LPP: variants seen among roughly 807,000 people sequenced by gnomAD.
The protein encoded by LPP is lipoma-preferred partner.
Under a neutral mutation model 60.4 loss-of-function variants are expected in LPP, and 38 were observed. The ratio of observed to expected loss-of-function variants is 0.63; its 90% confidence interval spans 0.49 to 0.83. The LOEUF (loss-of-function observed/expected upper bound fraction) is 0.83, where lower values mean the gene tolerates loss of function less well. Ranked by LOEUF, LPP falls within the 40% of genes least tolerant of loss-of-function variation. LPP has a pLI of 0.00. For missense variants in LPP, 902 were observed against 783.6 expected, an observed-to-expected ratio of 1.15 and a Z score of -1.80; for synonymous variants, 328 against 290.8, an observed-to-expected ratio of 1.13 and a Z score of -1.30.
At chr3:188,704,794 A>G (rs1391072912) in intron 7 of LPP, among the ~76,000 whole-genome samples, 1 of 152,052 alleles carries the variant, frequency 6.6e-6, no homozygotes, top group African/African-American at 2.4e-5. Flanking sequence ...TTGTCAAAAG[A>G]CAGTTTAACA....
intron 1 of LPP, among the ~76,000 whole-genome samples, chr3:188,188,673 T>G (rs1015211166): frequency 5.3e-5 from 8 of 152,116 alleles, no homozygotes; most frequent in African/African-American, 1.9e-4. Flanking sequence ...AGGAAGGGTT[T>G]GAGGAATGGC....
intron 3 of LPP, among the ~76,000 whole-genome samples, chr3:188,389,952 A>C (rs1779314402): frequency 6.6e-6 from 1 of 152,108 alleles, no homozygotes; most frequent in African/African-American, 2.4e-5. Flanking sequence ...CAGGTGAGCA[A>C]ACCTGGAGTT....
intron 2 of LPP, among the ~76,000 whole-genome samples, chr3:188,269,298 G>T (rs1224542987): frequency 2.0e-5 from 3 of 152,058 alleles, no homozygotes; most frequent in Non-Finnish European, 4.4e-5. Context: ...GTGCCATTGG[G>T]CAAGTTGTTT....
rs546204915 is a variant in LPP, at chr3:188,456,152, C to T, written c.194-28440C>T. ...TTTGCTTTCGCCTCCCCAACCACTG[C>T]GATTACAGGCGTGAGCCAATGGGCC... On this transcript the variant is annotated intron_variant, in intron 4 of 11. Transcript: ENST00000617246. 3.9e-5 allele frequency among the ~76,000 whole-genome samples: 6 copies of T among 152,284 alleles called. No homozygotes were observed. The South Asian group carries it at 8.3e-4, about 21-fold the overall frequency.
Position 188,593,955 on chromosome 3 carries a change from T to C in LPP, c.430-15206T>C, listed in dbSNP as rs1839481172. On this transcript the variant is annotated intron_variant, in intron 6 of 11. Coordinates refer to ENST00000617246, the MANE Select transcript of LPP (RefSeq NM_001375462.1). ...AATGACTTCTTTTCCTCTGGGTAGA[T>C]ACCCAGTAGTGGGATTGCTGGATCA... is the stretch of plus-strand genomic sequence containing the variant. Among the ~76,000 whole-genome samples, 8 of 152,204 alleles carry C rather than the reference T, an allele frequency of 5.3e-5. No individual in the cohort carries two copies. In the South Asian group the frequency reaches 1.7e-3, roughly 31 times the overall value.
At chr3:188,760,582 T>C (rs949191743) in intron 9 of LPP, among the ~76,000 whole-genome samples, 12 of 152,222 alleles carry the variant, frequency 7.9e-5, no homozygotes, top group Non-Finnish European at 1.0e-4. Context: ...CTAGCATGTA[T>C]GTACAAGCTA....
intron 9 of LPP, among the ~76,000 whole-genome samples, chr3:188,762,403 CTG>C (rs1442236264): frequency 2.0e-5 from 3 of 152,138 alleles, no homozygotes; most frequent in Non-Finnish European, 4.4e-5. Context: ...GTTTCTGAAA[CTG>C]TTTAATATTT....
intron 1 of LPP, among the ~76,000 whole-genome samples, chr3:188,221,461 C>T (rs1715754003): frequency 6.6e-6 from 1 of 152,210 alleles, no homozygotes; most frequent in Non-Finnish European, 1.5e-5. Context: ...TTATCCAAGA[C>T]AGAAGGTGTT....
intron 3 of LPP, among the ~76,000 whole-genome samples, chr3:188,361,282 T>A (rs1253053839): frequency 2.6e-5 from 4 of 152,328 alleles, no homozygotes; most frequent in African/African-American, 9.6e-5. Context: ...AAAAGAGTCA[T>A]GAAATAGTAG....
intron 9 of LPP, among the ~76,000 whole-genome samples, chr3:188,821,529 A>G (rs1404584902): frequency 6.6e-6 from 1 of 151,998 alleles, no homozygotes; most frequent in Non-Finnish European, 1.5e-5. Context: ...CACTCTTAAC[A>G]CCTAAAAATA....
rs1767323819 is a variant in LPP, at chr3:188,355,448, C to T, written c.-10+13729C>T. 2.6e-5 allele frequency among the ~76,000 whole-genome samples: 4 copies of T among 152,278 alleles called. No homozygotes were observed. In the South Asian group the frequency reaches 8.3e-4, roughly 32 times the overall value. On this transcript the variant is annotated intron_variant, in intron 3 of 11. Coordinates refer to ENST00000617246, the MANE Select transcript of LPP (RefSeq NM_001375462.1). ...TCATTCCATTACTCTTGAAATCCCTCTGCTTTATAGACTTTCTGAGAAATA... is the reference window on the plus strand; with the variant it reads ...TCATTCCATTACTCTTGAAATCCCTTTGCTTTATAGACTTTCTGAGAAATA...
At chr3:188,475,886 G>A (rs1803060256) in intron 4 of LPP, among the ~76,000 whole-genome samples, 1 of 152,160 alleles carries the variant, frequency 6.6e-6, no homozygotes, top group East Asian at 1.9e-4. Flanking sequence ...CTGGGCGACA[G>A]AGCAAAACTC....
At chr3:188,409,150 G>T (rs1406542025) in intron 4 of LPP, among the ~76,000 whole-genome samples, 1 of 152,142 alleles carries the variant, frequency 6.6e-6, no homozygotes, top group Non-Finnish European at 1.5e-5. Flanking sequence ...GCTCAGTGAT[G>T]CTTCTCCAAA....
At chr3:188,604,119 C>G (rs1419301330) in intron 6 of LPP, among the ~76,000 whole-genome samples, 1 of 151,756 alleles carries the variant, frequency 6.6e-6, no homozygotes, top group Non-Finnish European at 1.5e-5. Flanking sequence ...AAATTTTGCC[C>G]CAAATATTCT....
At chr3:188,291,875 A>G (rs770041256) in intron 2 of LPP, among the ~76,000 whole-genome samples, 1 of 152,126 alleles carries the variant, frequency 6.6e-6, no homozygotes, top group Non-Finnish European at 1.5e-5. Flanking sequence ...GCAAACCCAG[A>G]ACATTTGACT....
Position 188,609,297 on chromosome 3 carries a change from G to A in LPP, c.566G>A (p.Gly189Glu). The A allele has an allele frequency of 6.2e-7, 1 of 1,613,960 alleles. No individual in the cohort carries two copies. The highest frequency in any genetic ancestry group is 2.2e-5 in the East Asian group (1 of 44,854). The change falls in exon 7 of 12, where the codon GGA becomes GAA. Residue 189 changes from glycine (G) to glutamate (E), a missense_variant. Gly to Glu is a moderately conservative substitution (Grantham distance 98). Coordinates refer to ENST00000617246, the MANE Select transcript of LPP (RefSeq NM_001375462.1). The surrounding 1 kb of genome is among the most constrained non-coding windows in gnomAD (Gnocchi z 6.9). Reference sequence around the variant, plus strand: ...AAACCACAGCCTGCACCCCAGGCTGGACCCATCCCTGTGGCTCCAATCGGA... The same window carrying A: ...AAACCACAGCCTGCACCCCAGGCTGAACCCATCCCTGTGGCTCCAATCGGA... The part of the protein sequence containing the change: ...TLKPQPAPQA[G>E]PIPVAPIGTL...
chr3:188,354,973 C>T (rs1767121251), intron 3 of LPP, among the ~76,000 whole-genome samples: 2 of 152,112 alleles, frequency 1.3e-5, no homozygotes, highest in Non-Finnish European at 2.9e-5. Context: ...ACCCTGAAGA[C>T]AGAAGAGACA....
At chr3:188,801,892 C>A (rs187149756) in intron 9 of LPP, among the ~76,000 whole-genome samples, 3 of 152,182 alleles carry the variant, frequency 2.0e-5, no homozygotes, top group Admixed American at 6.5e-5. Flanking sequence ...TAGCTATTGC[C>A]CCTCATCATG....
intron 6 of LPP, among the ~76,000 whole-genome samples, chr3:188,589,957 TCA>T (rs1374292318): frequency 1.3e-5 from 2 of 152,216 alleles, no homozygotes; most frequent in Non-Finnish European, 2.9e-5. Context: ...TTTTTGTAGT[TCA>T]GTTTGTTGCA....
Sources: gnomAD v4.1 joint callset for allele counts (sites outside exome capture counted in the v4.1 genomes callset) on GRCh38, gnomAD v4.1.1 for gene constraint, Gnocchi (gnomAD v3.1) non-coding constraint, MANE v1.5 for transcripts, NCBI Gene and HGNC (gene_info 2026-07-23, HGNC 2026-07-21) for gene names.